ARHGAP15: variants seen among roughly 807,000 people sequenced by gnomAD.
The protein encoded by ARHGAP15 is rho GTPase-activating protein 15.
A neutral mutation model predicts 63.7 loss-of-function variants in ARHGAP15; 51 were observed. The ratio of observed to expected loss-of-function variants is 0.80; its 90% CI spans 0.64 to 1.01. ARHGAP15 has a LOEUF of 1.01. Among genes scored for constraint, ARHGAP15 ranks in the 50% least tolerant of loss-of-function variants. The probability of loss-of-function intolerance (pLI) is 0.00; values close to 1 mark genes in which losing one functional copy is unlikely to be tolerated. For missense variants in ARHGAP15, 560 were observed against 564.6 expected (o/e 0.99, Z 0.08); for synonymous variants, 191 against 193.8 (o/e 0.99, Z 0.12).
intron 10 of ARHGAP15, among the ~76,000 whole-genome samples, chr2:143,525,910 CAA>C (rs1032509190): frequency 1.3e-5 from 2 of 152,082 alleles, no homozygotes; most frequent in African/African-American, 4.8e-5. Context: ...ATTAAGAAAA[CAA>C]ATGTGGATAA....
chr2:143,492,172 G>T (rs115978779), intron 9 of ARHGAP15, among the ~76,000 whole-genome samples: 8 of 152,144 alleles, frequency 5.3e-5, no homozygotes, highest in African/African-American at 1.9e-4. Context: ...GTGAGCCACC[G>T]CGCCTGGCCC....
intron 11 of ARHGAP15, among the ~76,000 whole-genome samples, chr2:143,574,052 A>G (rs1696569079): frequency 6.6e-6 from 1 of 152,164 alleles, no homozygotes; most frequent in African/African-American, 2.4e-5. Context: ...TCTAGACTGT[A>G]GCCAAACGAA....
chr2:143,171,378 T>C (rs974318945), intron 2 of ARHGAP15, among the ~76,000 whole-genome samples: 1 of 152,010 alleles, frequency 6.6e-6, no homozygotes, highest in African/African-American at 2.4e-5. Context: ...TCTTTCTATA[T>C]CCATTTAGAG....
chr2:143,298,406 A>G (rs1574232738), intron 6 of ARHGAP15, among the ~76,000 whole-genome samples: 1 of 152,132 alleles, frequency 6.6e-6, no homozygotes, highest in East Asian at 1.9e-4. Context: ...CCTTATCATT[A>G]TAACATCATC....
At chr2:143,673,226 AAAAC>A (rs570875459) in intron 12 of ARHGAP15, among the ~76,000 whole-genome samples, 95 of 152,336 alleles carry the variant, frequency 6.2e-4, no homozygotes, top group African/African-American at 2.2e-3. Flanking sequence ...TAGCATCTAG[AAAAC>A]AAACAGAGTG....
intron 9 of ARHGAP15, among the ~76,000 whole-genome samples, chr2:143,497,061 A>G (rs914667373): frequency 1.3e-5 from 2 of 152,314 alleles, no homozygotes; most frequent in East Asian, 3.9e-4. Context: ...GAAGAAATAG[A>G]TCATACACAC....
At chr2:143,174,998 C>T (rs1690957619) in intron 2 of ARHGAP15, among the ~76,000 whole-genome samples, 1 of 152,234 alleles carries the variant, frequency 6.6e-6, no homozygotes, top group East Asian at 1.9e-4. Context: ...CTTTTTATAT[C>T]CAAGTTTTAA....
chr2:143,231,069 C>CTTTTTTTTTTTT (rs914904536), intron 5 of ARHGAP15, among the ~76,000 whole-genome samples: 11,047 of 124,180 alleles, frequency 0.089, 687 homozygotes, highest in Middle Eastern at 0.13. Context: ...GATGTAATTC[C>CTTTTTTTTTTTT]TTTTTTTTTT....
chr2:143,493,066 A>AC (rs71404475), intron 9 of ARHGAP15, among the ~76,000 whole-genome samples: 1 of 150,122 alleles, frequency 6.7e-6, no homozygotes, highest in Non-Finnish European at 1.5e-5. Context: ...TCAAAAAAAA[A>AC]CAAAAAAAAC....
chr2:143,723,778 G>A (rs950223828), intron 13 of ARHGAP15, among the ~76,000 whole-genome samples: 7 of 152,224 alleles, frequency 4.6e-5, no homozygotes, highest in Admixed American at 6.5e-5. Context: ...CCGTTTTAAA[G>A]GATCACTGTG....
intron 11 of ARHGAP15, among the ~76,000 whole-genome samples, chr2:143,577,581 C>T (rs1456268206): frequency 2.0e-5 from 3 of 152,120 alleles, no homozygotes; most frequent in Admixed American, 2.0e-4. Flanking sequence ...TAGCTTCATA[C>T]TCAGGCTTTG....
chr2:143,593,960 TATTA>T (rs1453300565), intron 11 of ARHGAP15, among the ~76,000 whole-genome samples: 1 of 152,204 alleles, frequency 6.6e-6, no homozygotes, highest in Non-Finnish European at 1.5e-5. Context: ...CCCCTTATAC[TATTA>T]ATTGGAAACT....
intron 12 of ARHGAP15, chr2:143,682,890 G>T (rs1358052307): frequency 6.6e-6 from 1 of 152,144 alleles, no homozygotes; most frequent in African/African-American, 2.4e-5. Flanking sequence ...CAATCTGCCA[G>T]TCTGGTGTAA....
chr2:143,208,465 C>A (rs1008698338), intron 3 of ARHGAP15, among the ~76,000 whole-genome samples: 1 of 152,140 alleles, frequency 6.6e-6, no homozygotes, highest in African/African-American at 2.4e-5. Context: ...GCATTTATTT[C>A]TTTTGAATAT....
At chr2:143,231,088 T>TTTTTTA (rs1553451680) in intron 5 of ARHGAP15, among the ~76,000 whole-genome samples, 1 of 150,390 alleles carries the variant, frequency 6.6e-6, no homozygotes, top group African/African-American at 2.4e-5. Flanking sequence ...TTTTTTTTTT[T>TTTTTTA]ACCACTCATT....
chr2:143,488,059 G>A (rs925314016), intron 9 of ARHGAP15, among the ~76,000 whole-genome samples: 4 of 152,166 alleles, frequency 2.6e-5, no homozygotes, highest in Admixed American at 6.5e-5. Context: ...TATATGTAGA[G>A]GGCAGAATAG....
intron 2 of ARHGAP15, among the ~76,000 whole-genome samples, chr2:143,177,943 ATG>A (rs1456081599): frequency 1.3e-5 from 2 of 152,208 alleles, no homozygotes; most frequent in Non-Finnish European, 2.9e-5. Flanking sequence ...TCTACTTAAT[ATG>A]TGTTATTAAA....
intron 5 of ARHGAP15, chr2:143,236,185 A>G (rs1221968467): frequency 4.0e-6 from 2 of 505,748 alleles, no homozygotes; most frequent in Non-Finnish European, 6.8e-6. Flanking sequence ...ATTCAAATGA[A>G]TAGTATATGA....
rs984474727 is a variant in ARHGAP15, at chr2:143,228,787, G to C, written c.384+119G>C. On this transcript the variant is annotated intron_variant, in intron 5 of 13. Transcript: ENST00000295095. ...AAGCTACCAACATCTGAAAACAGAT[G>C]GAGAAAATGACTCAATAAACTTTTA... 3 of 634,660 alleles carry C rather than the reference G, an allele frequency of 4.7e-6. No homozygotes were observed. In the African/African-American group the frequency reaches 5.7e-5, roughly 12 times the overall value. 39.3% of individuals were successfully genotyped at this position (634,660 alleles called of 1,614,324 possible). A position where few individuals can be genotyped will look rare whatever the true frequency, so the allele number is the denominator to read the frequency against.
Sources: allele counts gnomAD v4.1 joint callset (sites outside exome capture counted in the v4.1 genomes callset), GRCh38; gene constraint gnomAD v4.1.1; transcripts MANE v1.5; gene names NCBI Gene and HGNC (gene_info 2026-07-23, HGNC 2026-07-21).